KLHL25: variants seen among roughly 807,000 people sequenced by gnomAD.
KLHL25 encodes the protein kelch-like protein 25.
KLHL25 carries 41 observed loss-of-function variants against 30.0 expected under a neutral mutation model. That is an observed-to-expected ratio of 1.37 (90% confidence interval 1.07 to 1.78). The LOEUF is 1.78. KLHL25 is among the 40% of genes most tolerant of loss of function. KLHL25 has a pLI of 0.00. For synonymous variants in KLHL25, 399 were observed against 355.3 expected (o/e 1.12, Z -1.38); for missense variants, 971 against 824.5 (o/e 1.18, Z -2.18).
chr15:85,771,894 C>A (rs1042058084), intron 1 of KLHL25, among the ~76,000 whole-genome samples: 1 of 152,224 alleles, frequency 6.6e-6, no homozygotes, highest in Admixed American at 6.5e-5. Flanking sequence ...CGAAGCTGGG[C>A]CCTCAGATGC....
chr15:85,767,025 C>T (rs1187866010), intron 2 of KLHL25, among the ~76,000 whole-genome samples: 1 of 147,070 alleles, frequency 6.8e-6, no homozygotes, highest in East Asian at 2.1e-4. Flanking sequence ...CGGAGTCTCA[C>T]TGTTGCCCAG....
chr15:85,783,855 C>T (rs538440919), intron 1 of KLHL25, among the ~76,000 whole-genome samples: 1 of 152,324 alleles, frequency 6.6e-6, no homozygotes, highest in Admixed American at 6.5e-5. Context: ...GGTTTCAAAT[C>T]CCAGCACTGC....
At chr15:85,775,059 T>TA (rs1382606951) in intron 1 of KLHL25, among the ~76,000 whole-genome samples, 1 of 152,090 alleles carries the variant, frequency 6.6e-6, no homozygotes, top group Non-Finnish European at 1.5e-5. Flanking sequence ...GTATTTTTAC[T>TA]AGAGACGAGG....
At chr15:85,772,490 G>A (rs1035758621) in intron 1 of KLHL25, among the ~76,000 whole-genome samples, 1 of 152,214 alleles carries the variant, frequency 6.6e-6, no homozygotes, top group East Asian at 1.9e-4. Context: ...GAGCCCCTCT[G>A]GGATTCTTCT....
chr15:85,762,032 G>C (rs2089586806), intron 2 of KLHL25: 1 of 152,212 alleles, frequency 6.6e-6, no homozygotes, highest in Admixed American at 6.5e-5. Flanking sequence ...CACAGTGCTG[G>C]GCCGTCTGTT....
chr15:85,767,447 G>C (rs2089632564), intron 2 of KLHL25, among the ~76,000 whole-genome samples: 1 of 152,196 alleles, frequency 6.6e-6, no homozygotes, highest in Admixed American at 6.5e-5. Flanking sequence ...TGCCAGGAGA[G>C]TAACACTGTC....
chr15:85,766,109 G>A lies in KLHL25; in HGVS notation c.*24+1908C>T, dbSNP rs541931107. Among the ~76,000 whole-genome samples, 4 of 152,330 alleles carry A rather than the reference G, an allele frequency of 2.6e-5. No individual in the cohort carries two copies. In the South Asian group the frequency reaches 8.3e-4, roughly 32 times the overall value. On this transcript the variant is annotated intron_variant, in intron 2 of 2. Coordinates refer to ENST00000337975, the MANE Select transcript of KLHL25 (RefSeq NM_022480.4). ...TTCAGCATTTGTATCAGCAGCCGCT[G>A]GCTCACTGAGGAAATTAATGTTTAG...
chr15:85,794,882 T>C lies in KLHL25; in HGVS notation c.-127A>G, dbSNP rs893751634. On this transcript the variant is annotated 5_prime_UTR_variant, in exon 1 of 3. Transcript: ENST00000337975. ...GCCGGCTCTCCACAGGCAAAAACGCTCTCGCTGCGATACAGCCTAGGCGCC... is the reference window on the plus strand; with the variant it reads ...GCCGGCTCTCCACAGGCAAAAACGCCCTCGCTGCGATACAGCCTAGGCGCC... 20 of 152,164 alleles carry C rather than the reference T, an allele frequency of 1.3e-4. No homozygotes were observed. Among genetic ancestry groups the C allele is most frequent in the African/African-American group, 4.3e-4 (18 of 41,380 alleles). 9.4% of individuals were successfully genotyped at this position (152,164 alleles called of 1,614,324 possible).
At chr15:85,773,700 T>C (rs957297969) in intron 1 of KLHL25, among the ~76,000 whole-genome samples, 1 of 152,182 alleles carries the variant, frequency 6.6e-6, no homozygotes, top group Non-Finnish European at 1.5e-5. Flanking sequence ...ACTGGAACTT[T>C]GAGGAACGAA....
At chr15:85,790,659 CCAA>C (rs765606741) in intron 1 of KLHL25, among the ~76,000 whole-genome samples, 20 of 152,248 alleles carry the variant, frequency 1.3e-4, no homozygotes, top group Non-Finnish European at 2.6e-4. Flanking sequence ...GCTCTTTCTG[CCAA>C]CAGGTTCCAG....
At chr15:85,779,707 C>G (rs890277756) in intron 1 of KLHL25, among the ~76,000 whole-genome samples, 1 of 152,206 alleles carries the variant, frequency 6.6e-6, no homozygotes, top group Admixed American at 6.5e-5. Context: ...CACTACTGAA[C>G]AAAGACTGAT....
At chr15:85,765,879 C>G (rs2542599) in intron 2 of KLHL25, among the ~76,000 whole-genome samples, 148,778 of 151,822 alleles carry the variant, frequency 0.98, 72,912 homozygotes, top group East Asian at 1. Context: ...AAAAAGAAAA[C>G]TGGTGTTCCT....
intron 1 of KLHL25, among the ~76,000 whole-genome samples, chr15:85,785,888 C>T (rs985289467): frequency 2.0e-5 from 3 of 152,162 alleles, no homozygotes. Context: ...TTCGACCTCA[C>T]TCCAACTCAG....
At chr15:85,772,282 G>A (rs560223310) in intron 1 of KLHL25, among the ~76,000 whole-genome samples, 1 of 152,172 alleles carries the variant, frequency 6.6e-6, no homozygotes, top group African/African-American at 2.4e-5. Flanking sequence ...CACGTTCAAG[G>A]GCCCTGATGC....
chr15:85,779,083 TAAG>T (rs1261175415), intron 1 of KLHL25, among the ~76,000 whole-genome samples: 5 of 151,292 alleles, frequency 3.3e-5, no homozygotes, highest in East Asian at 2.0e-4. Context: ...GCCATCTTGC[TAAG>T]AAGAGAAGCC....
Position 85,768,561 on chromosome 15 carries a change from T to C in KLHL25, c.1250A>G (p.Tyr417Cys). The C allele has an allele frequency of 6.2e-7, 1 of 1,613,208 alleles. No individual in the cohort carries two copies. Among genetic ancestry groups the C allele is most frequent in the Middle Eastern group, 1.7e-4 (1 of 6,060 alleles). ...CATCCACTTGTTGGCCCCAGGGTCG[T>C]ATTTCTCCACTTGTTTCAGGGAGAC... ...PSVSLKQVEK[Y>C]DPGANKWMMV... The change falls in exon 2 of 3, where the codon TAC becomes TGC. Residue 417 changes from tyrosine (Y) to cysteine (C), a missense_variant. Transcript: ENST00000337975.
At position 85,777,140 on chromosome 15, in the gene KLHL25, G is replaced by C. The variant is rs2089714894; in HGVS notation, c.-10-7320C>G. Among the ~76,000 whole-genome samples the C allele has an allele frequency of 2.0e-5, 3 of 152,140 alleles. 1 individual carries two copies. Among genetic ancestry groups the C allele is most frequent in the South Asian group, 4.1e-4 (2 of 4,830 alleles). On this transcript the variant is annotated intron_variant, in intron 1 of 2. Coordinates refer to ENST00000337975, the MANE Select transcript of KLHL25 (RefSeq NM_022480.4). ...CTGCCCATGGGGCAGTTCTAGAATG[G>C]AGCAAGGATCAGGGAAGGGCTGAGA...
chr15:85,772,523 C>A (rs2089683183), intron 1 of KLHL25, among the ~76,000 whole-genome samples: 1 of 152,230 alleles, frequency 6.6e-6, no homozygotes, highest in South Asian at 2.1e-4. Flanking sequence ...CAGCTGGAAT[C>A]CCAGCTCCTC....
At chr15:85,765,550 C>T (rs1425354010) in intron 2 of KLHL25, among the ~76,000 whole-genome samples, 1 of 149,240 alleles carries the variant, frequency 6.7e-6, no homozygotes, top group Non-Finnish European at 1.5e-5. Context: ...CGCTTGAACC[C>T]AGGAGGCAGA....
Sources: allele counts gnomAD v4.1 joint callset (sites outside exome capture counted in the v4.1 genomes callset), GRCh38; gene constraint gnomAD v4.1.1; transcripts MANE v1.5; gene names NCBI Gene and HGNC (gene_info 2026-07-23, HGNC 2026-07-21).